The following CCSER1 variants were observed in gnomAD, a reference collection of about 807,000 sequenced individuals.
CCSER1 encodes serine-rich coiled-coil domain-containing protein 1.
CCSER1 carries 41 observed loss-of-function variants against 82.0 expected under a neutral mutation model. The ratio of observed to expected loss-of-function variants is 0.50; its 90% confidence interval spans 0.39 to 0.65. The LOEUF is 0.65. CCSER1 is among the 30% of genes least tolerant of loss of function. The pLI, the probability that CCSER1 is intolerant of heterozygous loss-of-function variation, is 0.00. For missense variants in CCSER1, 1,119 were observed against 1,064.2 expected (o/e 1.05, Z -0.72); for synonymous variants, 414 against 383.9 (o/e 1.08, Z -0.92).
At chr4:90,856,535 G>C (rs939496288) in intron 8 of CCSER1, among the ~76,000 whole-genome samples, 18 of 152,104 alleles carry the variant, frequency 1.2e-4, no homozygotes, top group African/African-American at 4.3e-4. Context: ...CCATTCCCCT[G>C]GGTTCAGATG....
At chr4:90,549,725 C>T (rs1261434114) in intron 5 of CCSER1, among the ~76,000 whole-genome samples, 3 of 150,868 alleles carry the variant, frequency 2.0e-5, no homozygotes, top group Non-Finnish European at 4.4e-5. Context: ...TGAGGAAATG[C>T]CAGTAAGGGT....
intron 10 of CCSER1, among the ~76,000 whole-genome samples, chr4:91,442,080 C>T (rs1307087337): frequency 1.3e-5 from 2 of 152,058 alleles, no homozygotes; most frequent in Non-Finnish European, 1.5e-5. Flanking sequence ...CCATCCCCAT[C>T]AAGCTACCAA....
intron 7 of CCSER1, among the ~76,000 whole-genome samples, chr4:90,767,660 C>A (rs1295609760): frequency 6.9e-6 from 1 of 144,022 alleles, no homozygotes; most frequent in Admixed American, 7.1e-5. Context: ...TTCAAAGTAC[C>A]AAGGCAAATA....
chr4:90,918,620 TC>T (rs1244533370), intron 8 of CCSER1, among the ~76,000 whole-genome samples: 2 of 148,740 alleles, frequency 1.3e-5, no homozygotes, highest in East Asian at 4.0e-4. Flanking sequence ...ATTATGTCTT[TC>T]ATGCTCATTC....
At position 91,195,590 on chromosome 4, in the gene CCSER1, C is replaced by G. The variant is rs80000726; in HGVS notation, c.2217+109596C>G. ...CGCTGTATTCTGAAATCAGAAGAGG[C>G]TTAACCTTCTTGAAACTGCTTTTAT... On this transcript the variant is annotated intron_variant, in intron 10 of 10. Transcript: ENST00000509176. Among the ~76,000 whole-genome samples, 8 of 152,246 alleles carry G rather than the reference C, an allele frequency of 5.3e-5. No homozygotes were observed. In the East Asian group the frequency reaches 1.5e-3, roughly 29 times the overall value.
chr4:90,548,334 C>T (rs77876712), intron 5 of CCSER1, among the ~76,000 whole-genome samples: 73 of 152,262 alleles, frequency 4.8e-4, no homozygotes, highest in African/African-American at 1.6e-3. Context: ...TATCTGTGCA[C>T]CACTCATCCT....
chr4:90,241,874 G>A (rs1275798109), intron 1 of CCSER1, among the ~76,000 whole-genome samples: 3 of 152,122 alleles, frequency 2.0e-5, no homozygotes, highest in Admixed American at 6.5e-5. Context: ...AATTAGTAAT[G>A]GAATGATTAT....
chr4:90,153,915 C>T (rs1285874426), intron 1 of CCSER1, among the ~76,000 whole-genome samples: 1 of 152,116 alleles, frequency 6.6e-6, no homozygotes, highest in Non-Finnish European at 1.5e-5. Context: ...GCTTTTGTTG[C>T]CATTGCTTTT....
chr4:90,402,632 A>C (rs1294524065), intron 4 of CCSER1, among the ~76,000 whole-genome samples: 1 of 152,216 alleles, frequency 6.6e-6, no homozygotes, highest in Non-Finnish European at 1.5e-5. Flanking sequence ...GTAAAAAATA[A>C]AACAAAGCAA....
intron 9 of CCSER1, among the ~76,000 whole-genome samples, chr4:91,057,624 G>A (rs1743568590): frequency 1.3e-5 from 2 of 152,132 alleles, no homozygotes; most frequent in Admixed American, 6.6e-5. Flanking sequence ...GTTAATGTTT[G>A]TGTAGACAAT....
At chr4:91,555,764 C>T (rs1012590804) in intron 10 of CCSER1, among the ~76,000 whole-genome samples, 9 of 151,040 alleles carry the variant, frequency 6.0e-5, no homozygotes, top group African/African-American at 2.2e-4. Context: ...TACTTTTTTG[C>T]AATGTATCTT....
Position 90,313,054 on chromosome 4 carries a change from A to G in CCSER1, c.1509+7A>G. The G allele has an allele frequency of 6.3e-7, 1 of 1,583,454 alleles. No homozygotes were observed. Among genetic ancestry groups the G allele is most frequent in the Non-Finnish European group, 8.6e-7 (1 of 1,160,186 alleles). ...TTCAAAAATGAACAGTTTGGTAAGT[A>G]TATACATATGTCTGCCTCTAATAAA... On this transcript the variant is annotated splice_region_variant and intron_variant, in intron 3 of 10. Coordinates refer to ENST00000509176, the MANE Select transcript of CCSER1 (RefSeq NM_001145065.2).
chr4:90,893,723 C>A (rs1048182350), intron 8 of CCSER1, among the ~76,000 whole-genome samples: 23 of 151,384 alleles, frequency 1.5e-4, no homozygotes, highest in African/African-American at 5.3e-4. Flanking sequence ...GCAATCCATG[C>A]AAGTTGGACA....
chr4:90,910,889 T>C (rs1726231372), intron 8 of CCSER1, among the ~76,000 whole-genome samples: 1 of 152,132 alleles, frequency 6.6e-6, no homozygotes, highest in Non-Finnish European at 1.5e-5. Context: ...TTAACACTTG[T>C]GGGTCCCAGG....
intron 8 of CCSER1, among the ~76,000 whole-genome samples, chr4:90,827,900 T>C (rs1366016485): frequency 1.3e-5 from 2 of 151,160 alleles, no homozygotes; most frequent in African/African-American, 2.4e-5. Flanking sequence ...ATCATTCTTA[T>C]ATACCCTGGT....
intron 10 of CCSER1, among the ~76,000 whole-genome samples, chr4:91,446,836 G>A (rs1319628988): frequency 6.6e-6 from 1 of 151,720 alleles, no homozygotes; most frequent in Non-Finnish European, 1.5e-5. Context: ...TTGCGGTTAT[G>A]ATGTCTACAG....
chr4:91,553,016 GTATTATA>G (rs1762230727), intron 10 of CCSER1, among the ~76,000 whole-genome samples: 1 of 151,378 alleles, frequency 6.6e-6, no homozygotes, highest in South Asian at 2.1e-4. Flanking sequence ...GATTTGTTTT[GTATTATA>G]TATAAGACAG....
intron 1 of CCSER1, among the ~76,000 whole-genome samples, chr4:90,205,765 A>G (rs1738687801): frequency 6.6e-6 from 1 of 152,214 alleles, no homozygotes; most frequent in African/African-American, 2.4e-5. Flanking sequence ...TAGTTTCAAA[A>G]GTAATGGTAC....
Position 90,879,504 on chromosome 4 carries a change from GAAGAAGAA to G in CCSER1, c.2095-43865_2095-43858del, listed in dbSNP as rs1561294468. ...AATAAAAGAGGAAGAAGAAGAAGAA[GAAGAAGAA>G]GAAGAGGAAGAGGAAGAGGAAGAAG... On this transcript the variant is annotated intron_variant, in intron 8 of 10. Transcript: ENST00000509176. 1.2e-3 allele frequency among the ~76,000 whole-genome samples: 174 copies of G among 144,314 alleles called. 2 individuals are homozygous for G. The highest frequency in any genetic ancestry group is 4.4e-3 in the African/African-American group (165 of 37,928). 94.7% of individuals were successfully genotyped at this position (144,314 alleles called of 152,430 possible).
Sources: gnomAD v4.1 joint callset for allele counts (sites outside exome capture counted in the v4.1 genomes callset) on GRCh38, gnomAD v4.1.1 for gene constraint, MANE v1.5 for transcripts, NCBI Gene and HGNC (gene_info 2026-07-23, HGNC 2026-07-21) for gene names.